NBAS: variants seen among roughly 807,000 people sequenced by gnomAD.
The protein encoded by NBAS is NBAS subunit of NRZ tethering complex, also known as NAG/BC035112 fusion.
Under a neutral mutation model 302.5 loss-of-function variants are expected in NBAS, and 219 were observed. The ratio of observed to expected loss-of-function variants is 0.72; its 90% CI spans 0.65 to 0.81. The LOEUF (loss-of-function observed/expected upper bound fraction) is 0.81, where lower values mean the gene tolerates loss of function less well. NBAS is among the 30% of genes least tolerant of loss of function. NBAS has a pLI of 0.00. For synonymous variants in NBAS, 1,118 were observed against 1,021.6 expected, an observed-to-expected ratio of 1.09 and a Z score of -1.80; for missense variants, 2,932 against 2,841.6, an observed-to-expected ratio of 1.03 and a Z score of -0.72.
At chr2:15,320,133 C>T (rs1671727288) in intron 38 of NBAS, among the ~76,000 whole-genome samples, 1 of 152,140 alleles carries the variant, frequency 6.6e-6, no homozygotes, top group Non-Finnish European at 1.5e-5. Context: ...ATAAACAGAA[C>T]CAATGACAAA....
the NBAS span, among the ~76,000 whole-genome samples, chr2:15,016,121 G>A: frequency 6.6e-6 from 1 of 152,088 alleles, no homozygotes; most frequent in Non-Finnish European, 1.5e-5. Flanking sequence ...TAAAGAAAAA[G>A]AGGTTTAATG....
chr2:15,477,864 A>T (rs1485578257), intron 13 of NBAS, among the ~76,000 whole-genome samples: 1 of 152,198 alleles, frequency 6.6e-6, no homozygotes, highest in Non-Finnish European at 1.5e-5. Context: ...AAATGTATGC[A>T]AAGACAAAGA....
the NBAS span, among the ~76,000 whole-genome samples, chr2:14,823,705 T>C: frequency 1.3e-5 from 2 of 152,246 alleles, no homozygotes; most frequent in South Asian, 2.1e-4. Context: ...GCAGACTTGA[T>C]GGTACATTTA....
chr2:14,964,288 T>C, the NBAS span, among the ~76,000 whole-genome samples: 1 of 152,166 alleles, frequency 6.6e-6, no homozygotes, highest in Admixed American at 6.5e-5. Flanking sequence ...ATTCTATGTA[T>C]CTAAAAAGTT....
chr2:15,467,490 C>T lies in NBAS; in HGVS notation c.2019-83G>A, dbSNP rs200885606. On this transcript the variant is annotated intron_variant, in intron 18 of 51. Coordinates refer to ENST00000281513, the MANE Select transcript of NBAS (RefSeq NM_015909.4). Reference sequence around the variant, plus strand: ...GTTATAATGAAAATGATTAATATTCCGTTGAGCCCAAAACTCATGAAACAG... The same window carrying T: ...GTTATAATGAAAATGATTAATATTCTGTTGAGCCCAAAACTCATGAAACAG... 1.2e-5 allele frequency: 16 copies of T among 1,348,256 alleles called. No homozygotes were observed. Among genetic ancestry groups the T allele is most frequent in the East Asian group, 2.6e-5 (1 of 39,204 alleles). The allele number at this position is 1,348,256 out of a possible 1,614,324, so 83.5% of individuals were successfully genotyped here.
intron 38 of NBAS, among the ~76,000 whole-genome samples, chr2:15,318,857 A>C (rs1344006717): frequency 6.6e-6 from 1 of 152,216 alleles, no homozygotes; most frequent in African/African-American, 2.4e-5. Context: ...GAAGGTTAAC[A>C]AGGATATCCA....
chr2:15,396,453 T>C lies in NBAS; in HGVS notation c.3094A>G (p.Lys1032Glu). 6.2e-7 allele frequency: 1 copy of C among 1,605,160 alleles called. No individual in the cohort carries two copies. The highest frequency in any genetic ancestry group is 8.5e-7 in the Non-Finnish European group (1 of 1,176,572). Residue 1032 changes from lysine (K) to glutamate (E), a missense_variant, in exon 27 of 52, where the codon AAG becomes GAG. By Grantham distance (56) the Lys-to-Glu change is moderately conservative. Coordinates refer to ENST00000281513, the MANE Select transcript of NBAS (RefSeq NM_015909.4). ...AGTTGGTCTACCATGTCATGAAGCT[T>C]TGTGGTTGCCTCTGTCTTATCACTA... ...GYGDKTEATT[K>E]LHDMVDQLEQ...
At position 15,353,632 on chromosome 2, in the gene NBAS, A is replaced by G; in HGVS notation, c.4010T>C (p.Leu1337Pro). ...GYQDLATRQE[L>P]MAFALTHCPP... ...GCAATGTGTCAAAGCAAAAGCCATG[A>G]GCTCTTGACGAGTGGCCAAGTCCTG... The change falls in exon 34 of 52, where the codon CTC (leucine) becomes CCC (proline). Residue 1337 changes from leucine to proline, a missense_variant. Physicochemically the swap from Leu to Pro is moderately conservative, Grantham distance 98. Transcript: ENST00000281513. The G allele has an allele frequency of 1.2e-6, 2 of 1,614,094 alleles. No homozygotes were observed. Among genetic ancestry groups the G allele is most frequent in the Non-Finnish European group, 1.7e-6 (2 of 1,179,970 alleles).
At chr2:14,872,002 C>T in the NBAS span, among the ~76,000 whole-genome samples, 1 of 152,020 alleles carries the variant, frequency 6.6e-6, no homozygotes, top group African/African-American at 2.4e-5. Context: ...CACACATATA[C>T]ACACACATGT....
At chr2:14,863,980 T>C in the NBAS span, among the ~76,000 whole-genome samples, 40,606 of 152,014 alleles carry the variant, frequency 0.27, 10,175 homozygotes, top group African/African-American at 0.66. Context: ...AATGGCAAGA[T>C]TAACACTCCA....
chr2:15,414,705 G>A (rs966831603), intron 25 of NBAS, among the ~76,000 whole-genome samples: 1 of 152,148 alleles, frequency 6.6e-6, no homozygotes, highest in Non-Finnish European at 1.5e-5. Flanking sequence ...AGCACTTTAG[G>A]AGGCCGAGGC....
At chr2:15,065,196 C>G in the NBAS span, among the ~76,000 whole-genome samples, 3 of 151,940 alleles carry the variant, frequency 2.0e-5, no homozygotes, top group African/African-American at 7.3e-5. Flanking sequence ...CTTAAATATA[C>G]AAAATTTTAT....
intron 41 of NBAS, among the ~76,000 whole-genome samples, chr2:15,288,231 G>A (rs937684051): frequency 2.6e-5 from 4 of 152,168 alleles, no homozygotes; most frequent in Non-Finnish European, 5.9e-5. Context: ...AGCTCCTTAG[G>A]AACTAAAAAC....
the NBAS span, among the ~76,000 whole-genome samples, chr2:15,094,535 T>A: frequency 6.6e-6 from 1 of 152,224 alleles, no homozygotes; most frequent in Non-Finnish European, 1.5e-5. Context: ...GGATTAAGCC[T>A]GGGGCTGAAT....
chr2:14,811,151 T>C, the NBAS span, among the ~76,000 whole-genome samples: 1 of 152,200 alleles, frequency 6.6e-6, no homozygotes. Flanking sequence ...TTCATGTCTA[T>C]AATCCCAACA....
intron 25 of NBAS, among the ~76,000 whole-genome samples, chr2:15,413,032 A>G (rs576986166): frequency 6.6e-6 from 1 of 152,338 alleles, no homozygotes; most frequent in South Asian, 2.1e-4. Context: ...AGGCACTGCC[A>G]GCGCCAATAA....
At chr2:14,819,437 T>G in the NBAS span, among the ~76,000 whole-genome samples, 10 of 152,166 alleles carry the variant, frequency 6.6e-5, no homozygotes, top group African/African-American at 2.2e-4. Context: ...GCAATATCAA[T>G]AGCAAAAGAT....
At chr2:15,242,788 C>A (rs73194973) in intron 44 of NBAS, among the ~76,000 whole-genome samples, 2,404 of 151,612 alleles carry the variant, frequency 0.016, 56 homozygotes, top group African/African-American at 0.053. Flanking sequence ...TTTAACTGTT[C>A]CCTGCAGCAA....
the NBAS span, among the ~76,000 whole-genome samples, chr2:15,139,749 C>T: frequency 3.3e-5 from 5 of 152,230 alleles, no homozygotes; most frequent in East Asian, 1.9e-4. Flanking sequence ...ATAGAAGATA[C>T]GAGACAGGCA....
Sources: gnomAD v4.1 joint callset for allele counts (sites outside exome capture counted in the v4.1 genomes callset) on GRCh38, gnomAD v4.1.1 for gene constraint, MANE v1.5 for transcripts, NCBI Gene and HGNC (gene_info 2026-07-23, HGNC 2026-07-21) for gene names.